The following CCNYL1 variants were observed in gnomAD, a reference collection of about 807,000 sequenced individuals.
CCNYL1 encodes cyclin-Y-like protein 1.
A neutral mutation model predicts 44.2 loss-of-function variants in CCNYL1; 16 were observed. The observed-to-expected ratio is 0.36, with a 90% CI of 0.25 to 0.55. CCNYL1 has a LOEUF of 0.55. Ranked by LOEUF, CCNYL1 falls within the 20% of genes least tolerant of loss-of-function variation. The pLI, the probability that CCNYL1 is intolerant of heterozygous loss-of-function variation, is 0.85. For missense variants in CCNYL1, 348 were observed against 451.8 expected (o/e 0.77, Z 2.08); for synonymous variants, 159 against 163.2 (o/e 0.97, Z 0.20).
At chr2:207,726,468 G>A (rs1418206009) in intron 2 of CCNYL1, among the ~76,000 whole-genome samples, 1 of 152,088 alleles carries the variant, frequency 6.6e-6, no homozygotes, top group East Asian at 1.9e-4. Flanking sequence ...TTAGATCTTG[G>A]TAATTAAAGT....
At chr2:207,718,105 C>T (rs942962333) in intron 1 of CCNYL1, among the ~76,000 whole-genome samples, 8 of 151,878 alleles carry the variant, frequency 5.3e-5, no homozygotes, top group African/African-American at 1.2e-4. Context: ...GGGGTTTCTC[C>T]GTGTTAGCCA....
Position 207,727,362 on chromosome 2 carries a change from C to T in CCNYL1, c.330+486C>T, listed in dbSNP as rs2091688758. ...GTTATGATTATACAGATATTATTCA[C>T]TGCTGAGTCATATATTATTCTCACT... On this transcript the variant is annotated intron_variant, in intron 3 of 9. Transcript: ENST00000295414. Among the ~76,000 whole-genome samples the T allele has an allele frequency of 2.0e-5, 3 of 152,140 alleles. No individual in the cohort carries two copies. The South Asian group carries it at 6.2e-4, about 32-fold the overall frequency.
rs1375713540 is a variant in CCNYL1 at position 207,747,187 on chromosome 2, C to T, written c.780C>T (p.Ile260=). The T allele has an allele frequency of 3.1e-6, 5 of 1,613,522 alleles. No homozygotes were observed. In the South Asian group the frequency reaches 4.4e-5, roughly 14 times the overall value. The change falls in exon 8 of 10, where the codon ATC becomes ATT. Residue 260 remains isoleucine, a synonymous_variant. Coordinates refer to ENST00000295414, the MANE Select transcript of CCNYL1 (RefSeq NM_001330218.2). ...TATGGAATGTGGACTACTGCCAGAT[C>T]CTCAAGGACATTACAGTTGAGGACA... ...QAVWNVDYCQ[I]LKDITVEDMN...
At chr2:207,739,991 G>A (rs2091796125) in intron 5 of CCNYL1, among the ~76,000 whole-genome samples, 1 of 151,866 alleles carries the variant, frequency 6.6e-6, no homozygotes, top group Non-Finnish European at 1.5e-5. Context: ...GCTTTCTCAG[G>A]TTGAATAAGT....
chr2:207,733,009 G>C (rs2091740535), intron 3 of CCNYL1, among the ~76,000 whole-genome samples: 1 of 152,190 alleles, frequency 6.6e-6, no homozygotes, highest in African/African-American at 2.4e-5. Flanking sequence ...TTTCTTGTGA[G>C]GGGTTACTCC....
At chr2:207,748,920 A>G (rs538845098) in intron 8 of CCNYL1, among the ~76,000 whole-genome samples, 1 of 152,346 alleles carries the variant, frequency 6.6e-6, no homozygotes, top group South Asian at 2.1e-4. Context: ...AACTAAAGTG[A>G]CTTTGATCAC....
rs184475721 is a variant in CCNYL1, at chr2:207,737,073, G to A, written c.432-338G>A. Reference sequence around the variant, plus strand: ...TGGGAATACAGGCGCCTGCTACCACGCCCGGCTAATTTTTTGTATTTTTAG... The same window carrying A: ...TGGGAATACAGGCGCCTGCTACCACACCCGGCTAATTTTTTGTATTTTTAG... On this transcript the variant is annotated intron_variant, in intron 4 of 9. Coordinates refer to ENST00000295414, the MANE Select transcript of CCNYL1 (RefSeq NM_001330218.2). 3.4e-4 allele frequency among the ~76,000 whole-genome samples: 52 copies of A among 152,170 alleles called. 1 individual carries two copies. The East Asian group carries it at 8.3e-3, about 24-fold the overall frequency.
intron 9 of CCNYL1, among the ~76,000 whole-genome samples, chr2:207,753,104 C>T (rs764995483): frequency 6.6e-5 from 10 of 151,976 alleles, no homozygotes; most frequent in South Asian, 6.2e-4. Context: ...CCTTTTGGCG[C>T]GTCAGTCATC....
intron 3 of CCNYL1, among the ~76,000 whole-genome samples, chr2:207,731,652 C>T (rs1167392357): frequency 2.6e-5 from 4 of 152,042 alleles, no homozygotes; most frequent in Admixed American, 1.3e-4. Context: ...GGGGGAATTA[C>T]CTGTTGCCAG....
intron 5 of CCNYL1, among the ~76,000 whole-genome samples, chr2:207,737,897 TC>T (rs531666437): frequency 2.4e-4 from 37 of 152,320 alleles, no homozygotes; most frequent in African/African-American, 7.9e-4. Context: ...AAAATAACTC[TC>T]TTCTACAACA....
chr2:207,741,913 G>A (rs2091814034), intron 6 of CCNYL1, among the ~76,000 whole-genome samples: 1 of 151,462 alleles, frequency 6.6e-6, no homozygotes, highest in Admixed American at 6.6e-5. Context: ...CACTTTGGGA[G>A]GCCAAGGCAG....
chr2:207,736,695 G>C (rs1354471526), intron 4 of CCNYL1, among the ~76,000 whole-genome samples: 1 of 152,130 alleles, frequency 6.6e-6, no homozygotes, highest in East Asian at 1.9e-4. Context: ...GTGGGTAGGT[G>C]ATAGTTAATT....
intron 4 of CCNYL1, among the ~76,000 whole-genome samples, chr2:207,735,591 C>T (rs530334488): frequency 5.3e-5 from 8 of 152,274 alleles, no homozygotes; most frequent in Admixed American, 1.3e-4. Flanking sequence ...TCAGGCTGGG[C>T]GTGGTGACTG....
At chr2:207,719,302 C>CT (rs11412847) in intron 1 of CCNYL1, among the ~76,000 whole-genome samples, 112,142 of 133,006 alleles carry the variant, frequency 0.84, 50,171 homozygotes, top group East Asian at 0.99. Context: ...ATAGCAATTG[C>CT]TTTTTTTTTT....
At chr2:207,719,760 T>C (rs973820316) in intron 1 of CCNYL1, among the ~76,000 whole-genome samples, 1 of 151,768 alleles carries the variant, frequency 6.6e-6, no homozygotes, top group Non-Finnish European at 1.5e-5. Context: ...AGATGGTCTT[T>C]CTCTGTTGCC....
In CCNYL1 at chr2:207,755,983, A is replaced by C. The variant is rs1332668222; in HGVS notation, c.*2285A>C. ...TTTCCATCATTTTTAAAGGACAGAG[A>C]CATAAATGATAAATAATGGTATACA... On this transcript the variant is annotated 3_prime_UTR_variant, in exon 10 of 10. Transcript: ENST00000295414. The C allele has an allele frequency of 6.6e-6, 1 of 151,558 alleles. No homozygotes were observed. Among genetic ancestry groups the C allele is most frequent in the Non-Finnish European group, 1.5e-5 (1 of 68,034 alleles). 9.4% of individuals were successfully genotyped at this position (151,558 alleles called of 1,614,324 possible). A position where few individuals can be genotyped will look rare whatever the true frequency, so the allele number is the denominator to read the frequency against.
chr2:207,718,091 AGATGGGGTTTCTCCGTGTTAGCCAG>A (rs2091610968), intron 1 of CCNYL1, among the ~76,000 whole-genome samples: 1 of 151,836 alleles, frequency 6.6e-6, no homozygotes, highest in African/African-American at 2.4e-5. Flanking sequence ...TTTTTAATAG[AGATGGGGTTTCTCCGTGTTAGCCAG>A]GATGGTCTCG....
At chr2:207,714,214 T>G in intron 1 of CCNYL1, 1 of 372,382 alleles carries the variant, frequency 2.7e-6, no homozygotes, top group Non-Finnish European at 5.1e-6. Context: ...ATCATGTATT[T>G]TACCCATAAA....
At chr2:207,738,448 C>T (rs566654570) in intron 5 of CCNYL1, among the ~76,000 whole-genome samples, 215 of 151,774 alleles carry the variant, frequency 1.4e-3, no homozygotes, top group Middle Eastern at 6.8e-3. Flanking sequence ...CTTGAACTCC[C>T]GACCTCAGGT....
Sources: gnomAD v4.1 joint callset for allele counts (sites outside exome capture counted in the v4.1 genomes callset) on GRCh38, gnomAD v4.1.1 for gene constraint, MANE v1.5 for transcripts, NCBI Gene and HGNC (gene_info 2026-07-23, HGNC 2026-07-21) for gene names.